The following PRKCE variants were observed in gnomAD, a reference collection of about 807,000 sequenced individuals.
PRKCE encodes the protein protein kinase C epsilon, also known as protein kinase C epsilon type.
A neutral mutation model predicts 85.4 loss-of-function variants in PRKCE; 16 were observed. The ratio of observed to expected loss-of-function variants is 0.19; its 90% confidence interval spans 0.13 to 0.28. The LOEUF is 0.28. Ranked by LOEUF, PRKCE falls within the 10% of genes least tolerant of loss-of-function variation. The pLI is 1.00. For missense variants in PRKCE, 573 were observed against 975.2 expected (o/e 0.59, Z 5.49); for synonymous variants, 388 against 371.5 (o/e 1.04, Z -0.51).
Position 46,113,340 on chromosome 2 carries a change from G to A in PRKCE, c.1592+26978G>A, listed in dbSNP as rs377212959. Among the ~76,000 whole-genome samples the A allele has an allele frequency of 1.3e-4, 20 of 152,318 alleles. No individual in the cohort carries two copies. The East Asian group carries it at 2.5e-3, about 19-fold the overall frequency. ...TCCCAGACGGTACTTACAGATATCT[G>A]AACTTAAAGAGGTTTTTAAATCTCT... On this transcript the variant is annotated intron_variant, in intron 11 of 14. Coordinates refer to ENST00000306156, the MANE Select transcript of PRKCE (RefSeq NM_005400.3).
At chr2:45,738,526 G>T (rs1376507701) in intron 1 of PRKCE, among the ~76,000 whole-genome samples, 1 of 152,124 alleles carries the variant, frequency 6.6e-6, no homozygotes, top group African/African-American at 2.4e-5. Context: ...AACCAGACGT[G>T]TTTTCTCTTT....
In PRKCE at chr2:46,167,270, G is replaced by T. The variant is rs139668934; in HGVS notation, c.2067+7518G>T. On this transcript the variant is annotated intron_variant, in intron 14 of 14. Transcript: ENST00000306156. ...TCTGAGCCTCGGTCTGCTGATCATA[G>T]CATGGGGGTTATAAATATCTACCAC... Among the ~76,000 whole-genome samples the T allele has an allele frequency of 5.9e-5, 9 of 152,320 alleles. No individual in the cohort carries two copies. The East Asian group carries it at 1.7e-3, about 29-fold the overall frequency.
chr2:46,034,857 G>T (rs1707759514), intron 10 of PRKCE, among the ~76,000 whole-genome samples: 1 of 152,352 alleles, frequency 6.6e-6, no homozygotes. Flanking sequence ...CATTACTGAT[G>T]GTATGTTCTG....
At chr2:45,957,876 C>A (rs536543962) in intron 2 of PRKCE, among the ~76,000 whole-genome samples, 38 of 150,550 alleles carry the variant, frequency 2.5e-4, no homozygotes, top group African/African-American at 9.0e-4. Context: ...TATGCCACTG[C>A]ACTAGATCCA....
intron 1 of PRKCE, among the ~76,000 whole-genome samples, chr2:45,743,385 T>A (rs1026092618): frequency 6.6e-6 from 1 of 152,182 alleles, no homozygotes; most frequent in South Asian, 2.1e-4. Context: ...AAACACTTTT[T>A]GTCAATTATA....
intron 1 of PRKCE, among the ~76,000 whole-genome samples, chr2:45,681,254 A>C (rs753354754): frequency 8.1e-6 from 1 of 123,758 alleles, no homozygotes. Context: ...ACCCCACTGC[A>C]CTCCAGCCTG....
chr2:45,887,886 C>A (rs872288), intron 2 of PRKCE, among the ~76,000 whole-genome samples: 46,284 of 152,110 alleles, frequency 0.3, 7,865 homozygotes, highest in East Asian at 0.55. Flanking sequence ...ACTGGCCCAA[C>A]TGAAATCATA....
At chr2:45,654,057 AGTT>A (rs1443723849) in intron 1 of PRKCE, among the ~76,000 whole-genome samples, 1 of 152,126 alleles carries the variant, frequency 6.6e-6, no homozygotes, top group African/African-American at 2.4e-5. Context: ...GTGATTTTGG[AGTT>A]GTTGTTTTTG....
chr2:45,980,447 C>T (rs1702796101), intron 5 of PRKCE, 66 bp downstream of exon 5: 6 of 1,447,046 alleles, frequency 4.1e-6, no homozygotes, highest in South Asian at 2.3e-5. Context: ...ACTGCCTCTT[C>T]TGTGGTTCCC....
intron 10 of PRKCE, among the ~76,000 whole-genome samples, chr2:46,047,429 G>A (rs906109144): frequency 3.3e-5 from 5 of 152,150 alleles, no homozygotes; most frequent in Admixed American, 2.0e-4. Context: ...AAAACACATC[G>A]TGGAAGACAT....
At chr2:46,132,662 A>G (rs1263422574) in intron 11 of PRKCE, among the ~76,000 whole-genome samples, 1 of 152,210 alleles carries the variant, frequency 6.6e-6, no homozygotes, top group Non-Finnish European at 1.5e-5. Flanking sequence ...GCATAAGCAC[A>G]GCCCTGTACC....
intron 2 of PRKCE, among the ~76,000 whole-genome samples, chr2:45,881,012 G>C (rs1694843471): frequency 6.6e-6 from 1 of 151,974 alleles, no homozygotes; most frequent in Non-Finnish European, 1.5e-5. Flanking sequence ...AATTAGCTGG[G>C]CGTAGTGGCG....
intron 2 of PRKCE, among the ~76,000 whole-genome samples, chr2:45,902,546 C>T (rs1333995421): frequency 6.6e-6 from 1 of 152,098 alleles, no homozygotes; most frequent in Non-Finnish European, 1.5e-5. Flanking sequence ...GTGTGAAAAG[C>T]TGTGCTGGGG....
At chr2:45,918,771 G>C (rs530900043) in intron 2 of PRKCE, among the ~76,000 whole-genome samples, 1 of 152,142 alleles carries the variant, frequency 6.6e-6, no homozygotes, top group Admixed American at 6.5e-5. Context: ...AGGTTGGCGA[G>C]GGGGGGAATG....
chr2:45,723,440 A>G (rs189600430), intron 1 of PRKCE, among the ~76,000 whole-genome samples: 63 of 152,260 alleles, frequency 4.1e-4, no homozygotes, highest in African/African-American at 1.5e-3. Context: ...GCTCCTGGAC[A>G]TTAGGTTAAG....
intron 1 of PRKCE, among the ~76,000 whole-genome samples, chr2:45,653,577 A>G (rs761263172): frequency 2.6e-5 from 4 of 151,866 alleles, no homozygotes; most frequent in Non-Finnish European, 5.9e-5. Flanking sequence ...ATTGCTTTCT[A>G]TTGAAAACCA....
intron 1 of PRKCE, among the ~76,000 whole-genome samples, chr2:45,681,783 T>A (rs1362139468): frequency 6.6e-6 from 1 of 152,186 alleles, no homozygotes; most frequent in Non-Finnish European, 1.5e-5. Flanking sequence ...GAGGCATGCA[T>A]GCCCTGTATT....
chr2:45,743,380 C>G (rs991884740), intron 1 of PRKCE, among the ~76,000 whole-genome samples: 5 of 152,112 alleles, frequency 3.3e-5, no homozygotes, highest in Non-Finnish European at 7.4e-5. Context: ...AATGTAAACA[C>G]TTTTTGTCAA....
intron 11 of PRKCE, among the ~76,000 whole-genome samples, chr2:46,127,085 G>A (rs561906610): frequency 1.3e-5 from 2 of 152,268 alleles, no homozygotes; most frequent in South Asian, 4.2e-4. Flanking sequence ...GAGCCAGAAA[G>A]CCCACAGATT....
Sources: allele counts gnomAD v4.1 joint callset (sites outside exome capture counted in the v4.1 genomes callset), GRCh38; gene constraint gnomAD v4.1.1; transcripts MANE v1.5; gene names NCBI Gene and HGNC (gene_info 2026-07-23, HGNC 2026-07-21).